The following TADA2A variants were observed in gnomAD, a reference collection of about 807,000 sequenced individuals.
TADA2A encodes the protein transcriptional adaptor 2A.
In TADA2A, 38 loss-of-function variants were observed where a neutral mutation model predicts 67.4. The observed-to-expected ratio is 0.56, with a 90% CI of 0.44 to 0.74. TADA2A has a LOEUF of 0.74. Among genes scored for constraint, TADA2A ranks in the 30% least tolerant of loss-of-function variants. The pLI, the probability that TADA2A is intolerant of heterozygous loss-of-function variation, is 0.00. For missense variants in TADA2A, 454 were observed against 547.0 expected (o/e 0.83, Z 1.70); for synonymous variants, 192 against 181.6 (o/e 1.06, Z -0.46).
chr17:37,457,261 A>C (rs1022307618), intron 8 of TADA2A, among the ~76,000 whole-genome samples: 2 of 149,090 alleles, frequency 1.3e-5, no homozygotes, highest in African/African-American at 5.0e-5. Context: ...GCTCACTGCA[A>C]CCTCTGCTTC....
At chr17:37,464,727 A>G (rs1033868355) in intron 10 of TADA2A, among the ~76,000 whole-genome samples, 5 of 151,288 alleles carry the variant, frequency 3.3e-5, no homozygotes, top group Non-Finnish European at 7.4e-5. Context: ...AATCCCAGCT[A>G]CTTGGGAGGC....
chr17:37,470,667 C>A (rs2053767379), intron 13 of TADA2A, 135 bp downstream of exon 13: 2 of 1,008,206 alleles, frequency 2.0e-6, no homozygotes, highest in Non-Finnish European at 2.7e-6. Flanking sequence ...TTTAGCAGTC[C>A]ATCTCAGAAA....
intron 12 of TADA2A, among the ~76,000 whole-genome samples, chr17:37,469,003 C>T (rs987302745): frequency 9.2e-5 from 14 of 151,758 alleles, no homozygotes; most frequent in Non-Finnish European, 1.6e-4. Flanking sequence ...TAGGTTCAAG[C>T]GAGTCTCCTG....
At chr17:37,409,687 A>C (rs1221109760) in intron 1 of TADA2A, among the ~76,000 whole-genome samples, 4 of 151,734 alleles carry the variant, frequency 2.6e-5, no homozygotes, top group African/African-American at 4.8e-5. Context: ...GACTCGCTTG[A>C]ACCCGGGAGG....
At chr17:37,475,512 A>G (rs1401365973) in intron 15 of TADA2A, among the ~76,000 whole-genome samples, 3 of 151,810 alleles carry the variant, frequency 2.0e-5, no homozygotes, top group Non-Finnish European at 4.4e-5. Context: ...TCGCTCTGTT[A>G]CCCAGGCTGG....
intron 14 of TADA2A, among the ~76,000 whole-genome samples, chr17:37,474,285 A>G (rs981285055): frequency 1.3e-5 from 2 of 152,220 alleles, no homozygotes; most frequent in Non-Finnish European, 2.9e-5. Flanking sequence ...GTGAGTAGTT[A>G]CATTTGATGC....
At chr17:37,423,710 A>T in intron 3 of TADA2A, 95 bp downstream of exon 3, 2 of 912,738 alleles carry the variant, frequency 2.2e-6, no homozygotes, top group Non-Finnish European at 3.3e-6. Flanking sequence ...AAGGAGATCT[A>T]TGTCTTATTA....
At chr17:37,464,609 G>A (rs1321654331) in intron 10 of TADA2A, among the ~76,000 whole-genome samples, 6 of 151,850 alleles carry the variant, frequency 4.0e-5, no homozygotes, top group African/African-American at 1.5e-4. Context: ...GGAGGCCGAG[G>A]CGAGCAGATT....
At chr17:37,422,601 G>T (rs1044846912) in intron 2 of TADA2A, among the ~76,000 whole-genome samples, 1 of 151,784 alleles carries the variant, frequency 6.6e-6, no homozygotes, top group African/African-American at 2.4e-5. Flanking sequence ...TTGCCTTCCG[G>T]GTTCAAGTGA....
At chr17:37,427,031 A>G in intron 4 of TADA2A, 22 bp downstream of exon 4, 4 of 1,558,512 alleles carry the variant, frequency 2.6e-6, no homozygotes, top group Non-Finnish European at 3.5e-6. Flanking sequence ...GTTGCTGGGA[A>G]TTTCTGTTCA....
chr17:37,439,716 G>C (rs1051693088), intron 5 of TADA2A, among the ~76,000 whole-genome samples: 3 of 152,128 alleles, frequency 2.0e-5, no homozygotes, highest in Non-Finnish European at 2.9e-5. Flanking sequence ...TTCTAGCTCA[G>C]TGTCTGGCAT....
At chr17:37,446,888 G>T (rs1364027476) in intron 8 of TADA2A, among the ~76,000 whole-genome samples, 1 of 151,998 alleles carries the variant, frequency 6.6e-6, no homozygotes, top group Non-Finnish European at 1.5e-5. Context: ...GTTCACTTGG[G>T]GTCCTTTTTG....
intron 5 of TADA2A, among the ~76,000 whole-genome samples, chr17:37,439,933 TATTTATTTATTA>T (rs1568155084): frequency 3.1e-4 from 27 of 87,170 alleles, no homozygotes; most frequent in East Asian, 2.0e-3. Flanking sequence ...TTTATTTATT[TATTTATTTATTA>T]TTTTTTTTTT....
At chr17:37,441,805 C>G (rs1027714968) in intron 6 of TADA2A, among the ~76,000 whole-genome samples, 1 of 151,866 alleles carries the variant, frequency 6.6e-6, no homozygotes, top group Non-Finnish European at 1.5e-5. Flanking sequence ...TAGCTGGTAC[C>G]ACAGGTGCAT....
At chr17:37,428,337 G>A (rs1022005496) in intron 4 of TADA2A, among the ~76,000 whole-genome samples, 2 of 152,154 alleles carry the variant, frequency 1.3e-5, no homozygotes, top group African/African-American at 4.8e-5. Flanking sequence ...CCACTTCTAG[G>A]TTCTTTCAGG....
intron 12 of TADA2A, among the ~76,000 whole-genome samples, chr17:37,468,090 A>AG: frequency 6.6e-6 from 1 of 152,156 alleles, no homozygotes; most frequent in East Asian, 1.9e-4. Context: ...TCAAAAAAAA[A>AG]AAAAAGGAAT....
At chr17:37,429,779 T>C (rs1232193979) in intron 4 of TADA2A, among the ~76,000 whole-genome samples, 1 of 150,900 alleles carries the variant, frequency 6.6e-6, no homozygotes, top group African/African-American at 2.4e-5. Flanking sequence ...GTTAGAGTTC[T>C]TGGGAGCCAA....
chr17:37,435,946 G>T (rs2052712213), intron 4 of TADA2A, among the ~76,000 whole-genome samples: 1 of 151,902 alleles, frequency 6.6e-6, no homozygotes, highest in South Asian at 2.1e-4. Flanking sequence ...AAACTCCTGA[G>T]CCCAAAAAGT....
intron 4 of TADA2A, among the ~76,000 whole-genome samples, chr17:37,432,915 T>C (rs2052612025): frequency 1.4e-5 from 2 of 145,772 alleles, no homozygotes; most frequent in South Asian, 4.3e-4. Context: ...TGTGGTATTG[T>C]GGTATTACAA....
Sources: allele counts gnomAD v4.1 joint callset (sites outside exome capture counted in the v4.1 genomes callset), GRCh38; gene constraint gnomAD v4.1.1; transcripts MANE v1.5; gene names NCBI Gene and HGNC (gene_info 2026-07-23, HGNC 2026-07-21).